The following METTL15 variants were observed in gnomAD, a reference collection of about 807,000 sequenced individuals.
METTL15 encodes the protein 12S rRNA N(4)-cytidine methyltransferase METTL15.
METTL15 carries 34 observed loss-of-function variants against 38.3 expected under a neutral mutation model. The observed-to-expected ratio is 0.89, with a 90% CI of 0.68 to 1.18. The LOEUF (loss-of-function observed/expected upper bound fraction) is 1.18. Among genes scored for constraint, METTL15 ranks in the 50% most tolerant of loss-of-function variants. The pLI is 0.00. For synonymous variants in METTL15, 162 were observed against 170.9 expected (o/e 0.95, Z 0.41); for missense variants, 438 against 498.4 (o/e 0.88, Z 1.15).
At chr11:28,362,655 A>G (rs1850149996) in intron 5 of METTL15, among the ~76,000 whole-genome samples, 1 of 152,168 alleles carries the variant, frequency 6.6e-6, no homozygotes, top group African/African-American at 2.4e-5. Context: ...TCCATATTGC[A>G]CAATGGTCTC....
At chr11:28,121,305 T>A (rs1358154756) in intron 3 of METTL15, among the ~76,000 whole-genome samples, 1 of 152,154 alleles carries the variant, frequency 6.6e-6, no homozygotes, top group African/African-American at 2.4e-5. Flanking sequence ...TAAATATTTA[T>A]TTTAACTGTA....
At chr11:28,143,445 G>A (rs1282467624) in intron 3 of METTL15, among the ~76,000 whole-genome samples, 2 of 152,090 alleles carry the variant, frequency 1.3e-5, no homozygotes, top group Admixed American at 6.6e-5. Context: ...ATCAAATGTA[G>A]CTGGTGTTCC....
At chr11:28,135,499 G>A (rs1436357515) in intron 3 of METTL15, among the ~76,000 whole-genome samples, 2 of 152,160 alleles carry the variant, frequency 1.3e-5, no homozygotes, top group Admixed American at 1.3e-4. Context: ...ACCCTTTATG[G>A]GGACTGTGTA....
intron 3 of METTL15, among the ~76,000 whole-genome samples, chr11:28,166,423 A>G (rs889314774): frequency 6.6e-6 from 1 of 152,180 alleles, no homozygotes. Context: ...TACACAAGAA[A>G]TGTCATGGTA....
At chr11:28,426,619 A>G (rs1850868058) in intron 6 of METTL15, among the ~76,000 whole-genome samples, 1 of 141,070 alleles carries the variant, frequency 7.1e-6, no homozygotes, top group African/African-American at 2.8e-5. Context: ...CTTTTTAGTA[A>G]TAGCCATTCT....
intron 3 of METTL15, among the ~76,000 whole-genome samples, chr11:28,162,498 G>A (rs1457529340): frequency 6.6e-6 from 1 of 152,022 alleles, no homozygotes; most frequent in Non-Finnish European, 1.5e-5. Context: ...TTTTCAATAT[G>A]CTTTTTATTT....
intron 5 of METTL15, among the ~76,000 whole-genome samples, chr11:28,386,419 G>A (rs189395504): frequency 6.6e-6 from 1 of 151,514 alleles, no homozygotes; most frequent in Non-Finnish European, 1.5e-5. Flanking sequence ...AGAGAACAGG[G>A]TTGATCATAC....
intron 5 of METTL15, among the ~76,000 whole-genome samples, chr11:28,384,307 T>C (rs902730312): frequency 6.7e-6 from 1 of 150,126 alleles, no homozygotes; most frequent in African/African-American, 2.4e-5. Flanking sequence ...TTTGTTTTTC[T>C]TTCTTTCTTT....
chr11:28,209,067 G>A (rs1052394116), intron 3 of METTL15, among the ~76,000 whole-genome samples: 3 of 151,836 alleles, frequency 2.0e-5, no homozygotes, highest in African/African-American at 7.3e-5. Context: ...TTGATTGTCA[G>A]TACATCTACA....
rs7116247 is a variant in METTL15, at chr11:28,222,243, T to A, written c.407+11045T>A. Among the ~76,000 whole-genome samples, 1,054 of 152,268 alleles carry A rather than the reference T, an allele frequency of 6.9e-3. 62 individuals are homozygous for A. In the East Asian group the frequency reaches 0.15, roughly 22 times the overall value. On this transcript the variant is annotated intron_variant, in intron 4 of 6. Coordinates refer to ENST00000407364, the MANE Select transcript of METTL15 (RefSeq NM_001113528.2). ...GCTGCTTTGTTTACCTGCTGAAGCC[T>A]CAGCAATGGCGGGCGCCCCTCCCCC...
intron 6 of METTL15, among the ~76,000 whole-genome samples, chr11:28,525,375 C>T (rs1001066971): frequency 2.0e-5 from 3 of 152,038 alleles, no homozygotes; most frequent in Admixed American, 2.0e-4. Context: ...AGGTTCTCCA[C>T]GTCCCCACTA....
At chr11:28,240,816 A>G (rs904388326) in intron 4 of METTL15, among the ~76,000 whole-genome samples, 7 of 152,212 alleles carry the variant, frequency 4.6e-5, no homozygotes, top group African/African-American at 1.4e-4. Flanking sequence ...AGCATAGGGG[A>G]TAGCCAAGTT....
chr11:28,134,567 G>A (rs1479396631), intron 3 of METTL15: 3 of 398,382 alleles, frequency 7.5e-6, no homozygotes, highest in Non-Finnish European at 1.3e-5. Flanking sequence ...GCGAAAAAGT[G>A]GACGAAGACC....
At chr11:28,212,312 A>T in intron 4 of METTL15, among the ~76,000 whole-genome samples, 1 of 152,132 alleles carries the variant, frequency 6.6e-6, no homozygotes, top group Non-Finnish European at 1.5e-5. Context: ...AATAATATGA[A>T]GACGTGATTT....
At chr11:28,137,618 A>T (rs1003444620) in intron 3 of METTL15, among the ~76,000 whole-genome samples, 10 of 152,200 alleles carry the variant, frequency 6.6e-5, no homozygotes, top group Non-Finnish European at 1.0e-4. Context: ...CTCAAAAGCC[A>T]AAGAAGCAGT....
At chr11:28,360,328 T>C (rs529740984) in intron 4 of METTL15, among the ~76,000 whole-genome samples, 20 of 152,304 alleles carry the variant, frequency 1.3e-4, no homozygotes. Context: ...CCATGGCCAA[T>C]TGGAACAGGT....
At chr11:28,207,894 C>G (rs1852430799) in intron 3 of METTL15, among the ~76,000 whole-genome samples, 1 of 152,134 alleles carries the variant, frequency 6.6e-6, no homozygotes, top group African/African-American at 2.4e-5. Flanking sequence ...AGTTTATTTG[C>G]ATAGAGGTGT....
intron 6 of METTL15, among the ~76,000 whole-genome samples, chr11:28,482,719 A>G (rs1851405558): frequency 6.6e-6 from 1 of 152,188 alleles, no homozygotes; most frequent in East Asian, 1.9e-4. Flanking sequence ...GCTCAGCATC[A>G]CCTGGGAGCT....
At chr11:28,363,419 G>T (rs184226120) in intron 5 of METTL15, among the ~76,000 whole-genome samples, 1 of 152,078 alleles carries the variant, frequency 6.6e-6, no homozygotes, top group African/African-American at 2.4e-5. Context: ...TGATCCACCC[G>T]CCTTGGCCTC....
Sources: allele counts gnomAD v4.1 joint callset (sites outside exome capture counted in the v4.1 genomes callset), GRCh38; gene constraint gnomAD v4.1.1; transcripts MANE v1.5; gene names NCBI Gene and HGNC (gene_info 2026-07-23, HGNC 2026-07-21).